OSER1: variants seen among roughly 807,000 people sequenced by gnomAD.
OSER1 encodes the protein oxidative stress-responsive serine-rich protein 1.
OSER1 carries 15 observed loss-of-function variants against 26.3 expected under a neutral mutation model. The ratio of observed to expected loss-of-function variants is 0.57; its 90% CI spans 0.38 to 0.88. The LOEUF (loss-of-function observed/expected upper bound fraction) is 0.88, where lower values mean the gene tolerates loss of function less well. Ranked by LOEUF, OSER1 falls within the 40% of genes least tolerant of loss-of-function variation. The pLI, the probability that OSER1 is intolerant of heterozygous loss-of-function variation, is 0.00. For missense variants in OSER1, 313 were observed against 353.9 expected (o/e 0.88, Z 0.93); for synonymous variants, 127 against 128.2 (o/e 0.99, Z 0.07).
chr20:44,210,537 A>T (rs1227057150), intron 1 of OSER1, among the ~76,000 whole-genome samples, 159 bp downstream of exon 1: 4 of 152,148 alleles, frequency 2.6e-5, no homozygotes, highest in Non-Finnish European at 5.9e-5. Context: ...GCGGCAGATA[A>T]GGGGGCGCGG....
rs574318932 is a variant in OSER1, at chr20:44,199,622, C to T, written c.192-1883G>A. Among the ~76,000 whole-genome samples the T allele has an allele frequency of 1.9e-3, 291 of 152,250 alleles. No individual in the cohort carries two copies. In the Middle Eastern group the frequency reaches 0.02, roughly 11 times the overall value. The stretch of plus-strand genomic sequence containing the variant: ...CGTATACTGAGGTTGCTAAGATCTA[C>T]GGTAAGAACGAATCTCCTATGTGAA... On this transcript the variant is annotated intron_variant, in intron 3 of 3. Transcript: ENST00000255174.
In OSER1 at chr20:44,208,086, C is replaced by A. The variant is rs151294057; in HGVS notation, c.-41-1088G>T. Among the ~76,000 whole-genome samples the A allele has an allele frequency of 3.1e-3, 468 of 151,906 alleles. 2 individuals are homozygous for A. Among genetic ancestry groups the A allele is most frequent in the African/African-American group, 0.011 (451 of 41,354 alleles). On this transcript the variant is annotated intron_variant, in intron 1 of 3. Coordinates refer to ENST00000255174, the MANE Select transcript of OSER1 (RefSeq NM_016470.8). ...TTGAAGCAAAAGGTTCACTTCACCT[C>A]TTTATTTCTAAGCCTTTACCCGCCC...
intron 2 of OSER1, among the ~76,000 whole-genome samples, chr20:44,204,572 A>G (rs1172944877): frequency 6.6e-6 from 1 of 152,138 alleles, no homozygotes; most frequent in Admixed American, 6.5e-5. Flanking sequence ...CATACACAGG[A>G]TTGTTCATGG....
chr20:44,209,208 T>A (rs918298666), intron 1 of OSER1, among the ~76,000 whole-genome samples: 1 of 152,232 alleles, frequency 6.6e-6, no homozygotes, highest in Admixed American at 6.5e-5. Context: ...CTAAAAGATC[T>A]ATCATCTAAA....
intron 1 of OSER1, among the ~76,000 whole-genome samples, chr20:44,208,367 T>C (rs1277845235): frequency 6.6e-6 from 1 of 150,856 alleles, no homozygotes; most frequent in Non-Finnish European, 1.5e-5. Flanking sequence ...GTTAAGGTAT[T>C]TTAGGCAGAG....
At chr20:44,210,456 G>A (rs963336308) in intron 1 of OSER1, among the ~76,000 whole-genome samples, 3 of 152,230 alleles carry the variant, frequency 2.0e-5, no homozygotes, top group Non-Finnish European at 4.4e-5. Context: ...GACGGGGCGG[G>A]GGACCGCGGG....
At chr20:44,199,490 C>T (rs2072958932) in intron 3 of OSER1, among the ~76,000 whole-genome samples, 1 of 152,140 alleles carries the variant, frequency 6.6e-6, no homozygotes, top group African/African-American at 2.4e-5. Context: ...TTAAAAATTA[C>T]CCAGTCTCAG....
rs1227605537 is a variant in OSER1, at chr20:44,197,622, G to A, written c.309C>T (p.Ser103=). The A allele has an allele frequency of 6.2e-7, 1 of 1,613,946 alleles. No homozygotes were observed. The highest frequency in any genetic ancestry group is 1.3e-5 in the African/African-American group (1 of 74,916). The change falls in exon 4 of 4, where the codon AGC becomes AGT. Residue 103 remains serine, a synonymous_variant. Coordinates refer to ENST00000255174, the MANE Select transcript of OSER1 (RefSeq NM_016470.8). Reference sequence around the variant, plus strand: ...TCTGGCTTTTGTGCTTGAGTTGACTGCTGGAAGAAGACGCTATTGTACTGC... The same window carrying A: ...TCTGGCTTTTGTGCTTGAGTTGACTACTGGAAGAAGACGCTATTGTACTGC... ...IHCSTIASSS[S]SQLKHKSQTD...
chr20:44,209,012 G>T (rs2073068347), intron 1 of OSER1, among the ~76,000 whole-genome samples: 1 of 152,204 alleles, frequency 6.6e-6, no homozygotes, highest in Non-Finnish European at 1.5e-5. Flanking sequence ...GCTAGGGATA[G>T]AAGCCCAAAC....
chr20:44,201,565 G>GA (rs2072982852), intron 3 of OSER1, among the ~76,000 whole-genome samples: 2 of 152,106 alleles, frequency 1.3e-5, no homozygotes, highest in Non-Finnish European at 2.9e-5. Flanking sequence ...TAAGCAAACA[G>GA]AAAAATCTAA....
At chr20:44,205,431 T>C (rs945398695) in intron 2 of OSER1, among the ~76,000 whole-genome samples, 1 of 152,236 alleles carries the variant, frequency 6.6e-6, no homozygotes, top group South Asian at 2.1e-4. Context: ...GGAGGAAAGA[T>C]ATGTTTTTGA....
chr20:44,197,616 T>C lies in OSER1; in HGVS notation c.315A>G (p.Gln105=), dbSNP rs775345649. The C allele has an allele frequency of 8.1e-6, 13 of 1,614,002 alleles. No individual in the cohort carries two copies. In the South Asian group the frequency reaches 1.1e-4, roughly 14 times the overall value. The change falls in exon 4 of 4, where the codon CAA becomes CAG. Residue 105 remains glutamine, a synonymous_variant. Transcript: ENST00000255174. ...AGTCAGTCTGGCTTTTGTGCTTGAG[T>C]TGACTGCTGGAAGAAGACGCTATTG... The part of the protein sequence containing the change: ...CSTIASSSSS[Q]LKHKSQTDSP...
chr20:44,207,774 G>A lies in OSER1; in HGVS notation c.-41-776C>T, dbSNP rs1315793928. Among the ~76,000 whole-genome samples the A allele has an allele frequency of 3.3e-5, 5 of 151,994 alleles. No homozygotes were observed. In the South Asian group the frequency reaches 6.2e-4, roughly 19 times the overall value. Reference sequence around the variant, plus strand: ...AAACAGAAATGACTATTGTGTAGACGCACCACTAAATGATCTCTTAACTAG... The same window carrying A: ...AAACAGAAATGACTATTGTGTAGACACACCACTAAATGATCTCTTAACTAG... On this transcript the variant is annotated intron_variant, in intron 1 of 3. Transcript: ENST00000255174.
At chr20:44,198,496 G>A (rs1311259356) in intron 3 of OSER1, among the ~76,000 whole-genome samples, 1 of 152,116 alleles carries the variant, frequency 6.6e-6, no homozygotes, top group Admixed American at 6.5e-5. Flanking sequence ...GTGGGCGCCT[G>A]TAGTCCCAGA....
upstream of OSER1, chr20:44,211,168 A>G (rs982327784): frequency 3.9e-5 from 6 of 152,384 alleles, no homozygotes; most frequent in East Asian, 1.9e-4. Context: ...GGAGTCACCT[A>G]TGCAGAGGAA....
chr20:44,210,519 C>T (rs912725872), intron 1 of OSER1, among the ~76,000 whole-genome samples, 177 bp downstream of exon 1: 5 of 152,174 alleles, frequency 3.3e-5, no homozygotes, highest in African/African-American at 1.2e-4. Context: ...CTCCAGCAGG[C>T]ACAGGCCGCG....
At chr20:44,198,804 G>T (rs1336080851) in intron 3 of OSER1, among the ~76,000 whole-genome samples, 1 of 152,150 alleles carries the variant, frequency 6.6e-6, no homozygotes, top group Non-Finnish European at 1.5e-5. Context: ...GTTACCTGCA[G>T]TCAACCATGG....
rs1418072820 is a variant in OSER1 at position 44,210,768 on chromosome 20, G to A, written c.-114C>T. The A allele has an allele frequency of 6.6e-6, 1 of 152,584 alleles. No individual in the cohort carries two copies. The highest frequency in any genetic ancestry group is 2.4e-5 in the African/African-American group (1 of 41,592). The allele number at this position is 152,584 out of a possible 1,614,324, so 9.5% of individuals were successfully genotyped here. A position where few individuals can be genotyped will look rare whatever the true frequency, so the allele number is the denominator to read the frequency against. On this transcript the variant is annotated 5_prime_UTR_variant, in exon 1 of 4. Transcript: ENST00000255174. ...GCGTCTCTCCCAAATCTCGGCACCC[G>A]ACTGACCCGGATCCAAACCAGCCAA...
chr20:44,206,702 G>A (rs1286811522), intron 2 of OSER1, among the ~76,000 whole-genome samples, 179 bp downstream of exon 2: 1 of 152,052 alleles, frequency 6.6e-6, no homozygotes, highest in Non-Finnish European at 1.5e-5. Context: ...TTAACCAAAG[G>A]GTTTTCTTTT....
Sources: gnomAD v4.1 joint callset for allele counts (sites outside exome capture counted in the v4.1 genomes callset) on GRCh38, gnomAD v4.1.1 for gene constraint, MANE v1.5 for transcripts, NCBI Gene and HGNC (gene_info 2026-07-23, HGNC 2026-07-21) for gene names.